LRRTM4: variants seen among roughly 807,000 people sequenced by gnomAD.
LRRTM4 encodes the protein leucine-rich repeat transmembrane neuronal protein 4.
LRRTM4 carries 25 observed loss-of-function variants against 47.6 expected under a neutral mutation model. The observed-to-expected ratio is 0.53, with a 90% CI of 0.38 to 0.73. LRRTM4 has a LOEUF of 0.73. Among genes scored for constraint, LRRTM4 ranks in the 30% least tolerant of loss-of-function variants. LRRTM4 has a pLI of 0.00. For synonymous variants in LRRTM4, 311 were observed against 269.5 expected, an observed-to-expected ratio of 1.15 and a Z score of -1.51; for missense variants, 638 against 713.4, an observed-to-expected ratio of 0.89 and a Z score of 1.20.
intron 3 of LRRTM4, among the ~76,000 whole-genome samples, chr2:77,128,692 T>G (rs1187579493): frequency 6.6e-6 from 1 of 152,062 alleles, no homozygotes; most frequent in African/African-American, 2.4e-5. Flanking sequence ...GAGGCTGGAG[T>G]GCAATGGCGT....
chr2:76,880,592 A>G (rs554705515), intron 3 of LRRTM4, among the ~76,000 whole-genome samples: 86 of 152,232 alleles, frequency 5.6e-4, no homozygotes, highest in African/African-American at 2.0e-3. Context: ...TTGGAACCCA[A>G]CCCACAGTAC....
intron 3 of LRRTM4, among the ~76,000 whole-genome samples, chr2:76,841,641 C>T (rs1284311757): frequency 2.2e-5 from 3 of 136,506 alleles, no homozygotes; most frequent in Non-Finnish European, 3.1e-5. Context: ...ATAGGAGGTT[C>T]AGAATCAATT....
At position 76,748,622 on chromosome 2, in the gene LRRTM4, C is replaced by T. The variant is rs745397631; in HGVS notation, c.*73G>A. 3.1e-5 allele frequency: 37 copies of T among 1,194,852 alleles called. No individual in the cohort carries two copies. The highest frequency in any genetic ancestry group is 6.1e-5 in the African/African-American group (4 of 65,896). 74.0% of individuals were successfully genotyped at this position (1,194,852 alleles called of 1,614,324 possible). On this transcript the variant is annotated 3_prime_UTR_variant, in exon 4 of 4. Coordinates refer to ENST00000409884, the MANE Select transcript of LRRTM4 (RefSeq NM_001134745.3). ...GCTTGCTCGATTGCGCGATTGTGGACACCCATTCTCCTTTAAGATGAAGGC... is the reference window on the plus strand; with the variant it reads ...GCTTGCTCGATTGCGCGATTGTGGATACCCATTCTCCTTTAAGATGAAGGC...
chr2:77,362,449 G>A (rs1672279794), intron 3 of LRRTM4, among the ~76,000 whole-genome samples: 2 of 152,120 alleles, frequency 1.3e-5, no homozygotes, highest in Admixed American at 6.6e-5. Flanking sequence ...CACCTTTGAA[G>A]GAGAAACTAG....
intron 3 of LRRTM4, among the ~76,000 whole-genome samples, chr2:77,215,977 AC>A (rs1206099664): frequency 6.6e-6 from 1 of 152,198 alleles, no homozygotes; most frequent in African/African-American, 2.4e-5. Flanking sequence ...ATCATTTGAT[AC>A]CTGTTCCTAT....
intron 3 of LRRTM4, among the ~76,000 whole-genome samples, chr2:77,004,336 C>G (rs781339289): frequency 2.7e-4 from 41 of 152,318 alleles, no homozygotes; most frequent in Non-Finnish European, 5.9e-4. Context: ...TCCCCTGCAT[C>G]CCAACTGCTC....
chr2:77,201,896 G>A (rs904913354), intron 3 of LRRTM4, among the ~76,000 whole-genome samples: 2 of 152,066 alleles, frequency 1.3e-5, no homozygotes, highest in African/African-American at 4.8e-5. Context: ...AGGGAAGGAT[G>A]TCATCGATGC....
chr2:77,044,442 G>T (rs1436768644), intron 3 of LRRTM4, among the ~76,000 whole-genome samples: 4 of 151,684 alleles, frequency 2.6e-5, no homozygotes, highest in African/African-American at 9.7e-5. Context: ...TGAAAAGAGA[G>T]ATATACTAAA....
intron 3 of LRRTM4, among the ~76,000 whole-genome samples, chr2:77,007,182 G>C (rs767279227): frequency 6.7e-6 from 1 of 150,372 alleles, no homozygotes; most frequent in African/African-American, 2.5e-5. Flanking sequence ...ACACACACAC[G>C]CATATATATA....
At chr2:77,088,739 C>G (rs1572947226) in intron 3 of LRRTM4, among the ~76,000 whole-genome samples, 1 of 152,308 alleles carries the variant, frequency 6.6e-6, no homozygotes, top group African/African-American at 2.4e-5. Flanking sequence ...TCCTCCTGCT[C>G]TTTGCTCCTT....
intron 3 of LRRTM4, among the ~76,000 whole-genome samples, chr2:77,480,757 C>T (rs565963487): frequency 7.3e-6 from 1 of 136,768 alleles, no homozygotes; most frequent in Non-Finnish European, 1.6e-5. Context: ...ACATTCAAAA[C>T]AAACTTGCTA....
chr2:76,833,791 TTC>T (rs972058784), intron 3 of LRRTM4, among the ~76,000 whole-genome samples: 11 of 151,712 alleles, frequency 7.3e-5, no homozygotes, highest in Admixed American at 3.3e-4. Context: ...AAAATATTTT[TTC>T]TTAGAGAAAA....
chr2:77,026,767 A>G (rs1436076918), intron 3 of LRRTM4, among the ~76,000 whole-genome samples: 1 of 152,110 alleles, frequency 6.6e-6, no homozygotes, highest in Non-Finnish European at 1.5e-5. Context: ...AATTGTCTAA[A>G]ATAAAGCTGC....
intron 3 of LRRTM4, among the ~76,000 whole-genome samples, chr2:76,787,872 A>G (rs1302025697): frequency 6.6e-6 from 1 of 152,122 alleles, no homozygotes; most frequent in African/African-American, 2.4e-5. Context: ...TGCTCCTTTG[A>G]CTTCTCTGAG....
chr2:77,211,276 G>A (rs1459952874), intron 3 of LRRTM4, among the ~76,000 whole-genome samples: 1 of 152,096 alleles, frequency 6.6e-6, no homozygotes, highest in Non-Finnish European at 1.5e-5. Flanking sequence ...GACAGATAAG[G>A]GGACACTCAG....
intron 3 of LRRTM4, among the ~76,000 whole-genome samples, chr2:76,751,251 A>G (rs185751366): frequency 6.1e-4 from 93 of 152,296 alleles, no homozygotes; most frequent in African/African-American, 1.9e-3. Flanking sequence ...GTTTTTCACA[A>G]TGAGTTGGAA....
At chr2:77,202,727 C>A (rs1247915747) in intron 3 of LRRTM4, among the ~76,000 whole-genome samples, 2 of 151,536 alleles carry the variant, frequency 1.3e-5, no homozygotes, top group East Asian at 3.9e-4. Context: ...TAGGCCAGTT[C>A]CAGGAAGCTG....
Position 77,296,698 on chromosome 2 carries a change from TGTAA to T in LRRTM4, c.1551+221616_1551+221619del, listed in dbSNP as rs574303115. On this transcript the variant is annotated intron_variant, in intron 3 of 3. Transcript: ENST00000409884. ...TTTTTAAATTAGGAACTTTACCTGC[TGTAA>T]GTAAGTGCTTTGCTTCAGGAATTGC... Among the ~76,000 whole-genome samples, 17 of 152,308 alleles carry T rather than the reference TGTAA, an allele frequency of 1.1e-4. No individual in the cohort carries two copies. In the East Asian group the frequency reaches 3.3e-3, roughly 29 times the overall value.
chr2:76,824,486 T>C (rs1381673443), intron 3 of LRRTM4, among the ~76,000 whole-genome samples: 1 of 151,632 alleles, frequency 6.6e-6, no homozygotes, highest in Admixed American at 6.6e-5. Flanking sequence ...ACTCAATTTA[T>C]TAAATGAGTC....
Sources: allele counts gnomAD v4.1 joint callset (sites outside exome capture counted in the v4.1 genomes callset), GRCh38; gene constraint gnomAD v4.1.1; transcripts MANE v1.5; gene names NCBI Gene and HGNC (gene_info 2026-07-23, HGNC 2026-07-21).